The following DLGAP2 variants were observed in gnomAD, a reference collection of about 807,000 sequenced individuals.
The protein encoded by DLGAP2 is disks large-associated protein 2.
Under a neutral mutation model 100.3 loss-of-function variants are expected in DLGAP2, and 26 were observed. The observed-to-expected ratio is 0.26, with a 90% confidence interval of 0.19 to 0.36. The LOEUF is 0.36. Ranked by LOEUF, DLGAP2 falls within the 10% of genes least tolerant of loss-of-function variation. DLGAP2 has a pLI of 1.00. For synonymous variants in DLGAP2, 886 were observed against 630.1 expected (o/e 1.41, Z -6.08); for missense variants, 1,858 against 1,453.2 (o/e 1.28, Z -4.53).
chr8:1,496,774 G>A (rs940345072), intron 3 of DLGAP2, among the ~76,000 whole-genome samples: 3 of 152,168 alleles, frequency 2.0e-5, no homozygotes, highest in Admixed American at 1.3e-4. Flanking sequence ...ACGCTCTCCA[G>A]GCGGCACCCG....
chr8:967,838 A>T (rs1203077399), intron 2 of DLGAP2, among the ~76,000 whole-genome samples: 15 of 31,042 alleles, frequency 4.8e-4, no homozygotes, highest in Non-Finnish European at 5.8e-4. Context: ...ATATATATAT[A>T]TATATATATA....
chr8:1,668,423 C>T lies in DLGAP2; in HGVS notation c.1905C>T (p.Thr635=), dbSNP rs542362008. ...TCTCGGTGACGGCGCAGAGCAGCAC[C>T]GAATCCACCCAGGACGCCTACCAGG... ...PLISVTAQSS[T]ESTQDAYQDS... is the part of the protein sequence containing the mutation. Residue 635 remains threonine, a synonymous_variant, in exon 9 of 15, where the codon ACC becomes ACT. Transcript: ENST00000637795. The T allele has an allele frequency of 1.7e-4, 275 of 1,603,724 alleles. 2 individuals are homozygous for T. In the South Asian group the frequency reaches 2.1e-3, roughly 12 times the overall value.
rs894506947 is a variant in DLGAP2, at chr8:1,054,874, A to G, written c.73+146908A>G. The stretch of plus-strand genomic sequence containing the variant: ...ACATTTTTTATTATCAACTGTTTTC[A>G]TTAATGCTTTGTGTTTGTTTTATAA... On this transcript the variant is annotated intron_variant, in intron 2 of 14. Transcript: ENST00000637795. Among the ~76,000 whole-genome samples, 5 of 152,266 alleles carry G rather than the reference A, an allele frequency of 3.3e-5. No individual in the cohort carries two copies. The South Asian group carries it at 1.0e-3, about 31-fold the overall frequency.
Position 1,334,810 on chromosome 8 carries a change from C to T in DLGAP2, c.106+75927C>T, listed in dbSNP as rs564297188. ...AATACATGATACATGTGTTGACACG[C>T]TGTAAAGGAAGAGACACGAAATTGC... On this transcript the variant is annotated intron_variant, in intron 3 of 14. Transcript: ENST00000637795. 5.9e-5 allele frequency among the ~76,000 whole-genome samples: 9 copies of T among 152,270 alleles called. 1 individual carries two copies. The South Asian group carries it at 1.9e-3, about 32-fold the overall frequency.
chr8:940,731 A>T (rs1799177650), intron 2 of DLGAP2, among the ~76,000 whole-genome samples: 1 of 152,164 alleles, frequency 6.6e-6, no homozygotes, highest in Non-Finnish European at 1.5e-5. Context: ...GTTTTACAAA[A>T]ATTTAAAATA....
At position 1,705,447 on chromosome 8, in the gene DLGAP2, A is replaced by ACCCTTGATGACAGGGCCC. The variant is rs1319479856; in HGVS notation, c.*4045_*4062dup. 6.6e-6 allele frequency: 1 copy of ACCCTTGATGACAGGGCCC among 152,218 alleles called. No individual in the cohort carries two copies. Among genetic ancestry groups the ACCCTTGATGACAGGGCCC allele is most frequent in the Non-Finnish European group, 1.5e-5 (1 of 68,068 alleles). The allele number at this position is 152,218 out of a possible 1,614,324, so 9.4% of individuals were successfully genotyped here. ...GGGTACCCCAGTCACCAGCAGGGCCACCCTTGATGACAGGGCCCCCCACGA... is the reference window on the plus strand; with the variant it reads ...GGGTACCCCAGTCACCAGCAGGGCCACCCTTGATGACAGGGCCCCCCTTGATGACAGGGCCCCCCACGA... On this transcript the variant is annotated 3_prime_UTR_variant, in exon 15 of 15. Coordinates refer to ENST00000637795, the MANE Select transcript of DLGAP2 (RefSeq NM_001346810.2).
At chr8:903,725 G>A (rs753032582) in intron 1 of DLGAP2, among the ~76,000 whole-genome samples, 2 of 152,156 alleles carry the variant, frequency 1.3e-5, no homozygotes, top group African/African-American at 2.4e-5. Context: ...GCTGAAACGT[G>A]TCTCCCAAAA....
chr8:1,544,338 G>T (rs1181410618), intron 4 of DLGAP2, among the ~76,000 whole-genome samples: 3 of 152,000 alleles, frequency 2.0e-5, no homozygotes, highest in African/African-American at 7.2e-5. Context: ...TTTTTATTTT[G>T]CTCCTGTAAC....
intron 3 of DLGAP2, among the ~76,000 whole-genome samples, chr8:1,311,425 C>G (rs1034706575): frequency 6.6e-6 from 1 of 152,194 alleles, no homozygotes; most frequent in Admixed American, 6.5e-5. Flanking sequence ...CTAACACATT[C>G]CTTGAGGCCA....
intron 4 of DLGAP2, among the ~76,000 whole-genome samples, chr8:1,504,880 G>T (rs988855832): frequency 1.3e-5 from 2 of 152,090 alleles, no homozygotes; most frequent in Admixed American, 6.5e-5. Flanking sequence ...ATTCCCTTCA[G>T]AAAAATACCC....
At chr8:1,423,566 T>G (rs1027231052) in intron 3 of DLGAP2, among the ~76,000 whole-genome samples, 1 of 152,236 alleles carries the variant, frequency 6.6e-6, no homozygotes, top group Non-Finnish European at 1.5e-5. Flanking sequence ...GTGAGTGGCT[T>G]TGAAAAGCAC....
intron 2 of DLGAP2, among the ~76,000 whole-genome samples, chr8:1,005,377 G>C (rs1801076323): frequency 6.9e-6 from 1 of 145,674 alleles, no homozygotes; most frequent in African/African-American, 2.5e-5. Context: ...TGCCCATGTT[G>C]TTTCCTGTAT....
intron 3 of DLGAP2, among the ~76,000 whole-genome samples, chr8:1,365,715 A>G (rs771068020): frequency 6.6e-6 from 1 of 152,206 alleles, no homozygotes; most frequent in Middle Eastern, 3.2e-3. Flanking sequence ...GCTGCAGCCA[A>G]TGTCACTAAA....
chr8:1,186,472 A>G (rs1201173277), intron 2 of DLGAP2, among the ~76,000 whole-genome samples: 1 of 152,204 alleles, frequency 6.6e-6, no homozygotes, highest in Admixed American at 6.5e-5. Context: ...GCCCTAAGCC[A>G]GCGAGTACCC....
At chr8:1,320,107 C>T (rs1255178990) in intron 3 of DLGAP2, among the ~76,000 whole-genome samples, 1 of 151,950 alleles carries the variant, frequency 6.6e-6, no homozygotes. Context: ...AAGTAGAGAC[C>T]ATGAGAGTGA....
chr8:1,467,904 G>A (rs1166431445), intron 3 of DLGAP2, among the ~76,000 whole-genome samples: 1 of 152,212 alleles, frequency 6.6e-6, no homozygotes, highest in East Asian at 1.9e-4. Flanking sequence ...ACATCATACA[G>A]CTTTGTTTCA....
chr8:769,912 G>A (rs1821313934), intron 1 of DLGAP2, among the ~76,000 whole-genome samples: 1 of 152,158 alleles, frequency 6.6e-6, no homozygotes, highest in Non-Finnish European at 1.5e-5. Context: ...TGAGCTGACT[G>A]GCTTCAGCAG....
chr8:1,584,193 T>C (rs58004641), intron 6 of DLGAP2, among the ~76,000 whole-genome samples: 86,924 of 152,056 alleles, frequency 0.57, 25,719 homozygotes, highest in African/African-American at 0.74. Context: ...TTATGACTCA[T>C]TTGTCAGGGA....
intron 2 of DLGAP2, chr8:1,032,679 T>C (rs1802009139): frequency 6.6e-6 from 1 of 152,210 alleles, no homozygotes; most frequent in South Asian, 2.1e-4. Flanking sequence ...GAGTCTGTTA[T>C]TCTTTATGTT....
Sources: allele counts gnomAD v4.1 joint callset (sites outside exome capture counted in the v4.1 genomes callset), GRCh38; gene constraint gnomAD v4.1.1; transcripts MANE v1.5; gene names NCBI Gene and HGNC (gene_info 2026-07-23, HGNC 2026-07-21).